CADPS: variants seen among roughly 807,000 people sequenced by gnomAD.
The protein encoded by CADPS is calcium-dependent secretion activator 1.
Under a neutral mutation model 167.3 loss-of-function variants are expected in CADPS, and 57 were observed. The observed-to-expected ratio is 0.34, with a 90% CI of 0.28 to 0.42. The LOEUF (loss-of-function observed/expected upper bound fraction) is 0.42. CADPS is among the 20% of genes least tolerant of loss of function. CADPS has a pLI of 1.00. For synonymous variants in CADPS, 676 were observed against 635.3 expected (o/e 1.06, Z -0.96); for missense variants, 1,414 against 1,738.1 (o/e 0.81, Z 3.32).
At chr3:62,484,081 CAT>C (rs1467935177) in intron 21 of CADPS, among the ~76,000 whole-genome samples, 1 of 152,128 alleles carries the variant, frequency 6.6e-6, no homozygotes, top group Non-Finnish European at 1.5e-5. Context: ...TTAATCAAAA[CAT>C]ATTGTATTTG....
chr3:62,529,483 C>T (rs747585976), intron 13 of CADPS, among the ~76,000 whole-genome samples: 20 of 152,236 alleles, frequency 1.3e-4, no homozygotes, highest in Admixed American at 3.9e-4. Context: ...CGTCAGACCT[C>T]ACCTTCAGGC....
rs555309723 is a variant in CADPS, at chr3:62,666,097, G to A, written c.889-3703C>T. Among the ~76,000 whole-genome samples the A allele has an allele frequency of 2.0e-5, 3 of 152,310 alleles. No individual in the cohort carries two copies. In the East Asian group the frequency reaches 5.8e-4, roughly 29 times the overall value. ...GGGTGTCGGTCTGACAGTCTGTGCA[G>A]CAGAAATGATGTGATCAGAGGCTCC... is the stretch of plus-strand genomic sequence containing the variant. On this transcript the variant is annotated intron_variant, in intron 3 of 29. Coordinates refer to ENST00000383710, the MANE Select transcript of CADPS (RefSeq NM_003716.4).
At chr3:62,451,350 G>T (rs1356260723) in intron 26 of CADPS, among the ~76,000 whole-genome samples, 2 of 152,030 alleles carry the variant, frequency 1.3e-5, no homozygotes, top group African/African-American at 2.4e-5. Flanking sequence ...GTTAATCATT[G>T]TGCAGCTTTG....
At chr3:62,716,625 CT>C (rs1026618448) in intron 3 of CADPS, among the ~76,000 whole-genome samples, 1 of 109,528 alleles carries the variant, frequency 9.1e-6, no homozygotes, top group African/African-American at 3.7e-5. Flanking sequence ...AAAACCAAAC[CT>C]TTAAAAAAAT....
chr3:62,451,372 G>C (rs183442897), intron 26 of CADPS, among the ~76,000 whole-genome samples: 1 of 151,958 alleles, frequency 6.6e-6, no homozygotes, highest in Non-Finnish European at 1.5e-5. Context: ...TAGGGAGCGC[G>C]GCAGGGGCTT....
Position 62,686,044 on chromosome 3 carries a change from T to C in CADPS, c.889-23650A>G, listed in dbSNP as rs375391747. Among the ~76,000 whole-genome samples the C allele has an allele frequency of 3.3e-5, 5 of 152,230 alleles. No homozygotes were observed. The East Asian group carries it at 5.8e-4, about 18-fold the overall frequency. On this transcript the variant is annotated intron_variant, in intron 3 of 29. Transcript: ENST00000383710. ...TGAGATGATGGACATACTAATTACC[T>C]TGATCTGACCACCATACATTGCATA...
intron 27 of CADPS, among the ~76,000 whole-genome samples, chr3:62,443,955 C>T (rs1319308638): frequency 6.6e-6 from 1 of 152,150 alleles, no homozygotes; most frequent in Non-Finnish European, 1.5e-5. Flanking sequence ...TAAATCTGAA[C>T]CTAGCTTGCA....
intron 1 of CADPS, among the ~76,000 whole-genome samples, chr3:62,794,085 C>T (rs906952822): frequency 2.0e-5 from 3 of 152,218 alleles, no homozygotes; most frequent in East Asian, 1.9e-4. Flanking sequence ...TGGAATCCAG[C>T]GATAACTCTA....
intron 1 of CADPS, among the ~76,000 whole-genome samples, chr3:62,844,469 CTT>C (rs1256746000): frequency 6.6e-6 from 1 of 152,182 alleles, no homozygotes; most frequent in African/African-American, 2.4e-5. Context: ...TTCTGCTGTT[CTT>C]TCTTCCTTTC....
intron 28 of CADPS, among the ~76,000 whole-genome samples, chr3:62,405,406 A>G (rs1708073562): frequency 6.6e-6 from 1 of 151,482 alleles, no homozygotes; most frequent in African/African-American, 2.4e-5. Flanking sequence ...GCCTTGTGCA[A>G]CATGCCTTTT....
At chr3:62,567,480 C>A (rs2080439630) in intron 9 of CADPS, among the ~76,000 whole-genome samples, 1 of 150,010 alleles carries the variant, frequency 6.7e-6, no homozygotes, top group Non-Finnish European at 1.5e-5. Flanking sequence ...GCCAGGCATG[C>A]TCCCAAGTGA....
rs573202743 is a variant in CADPS at position 62,702,149 on chromosome 3, A to C, written c.889-39755T>G. ...CCTTTTAAATACTGAAGCCCTCAAA[A>C]TCATCTTTGGAGAAAGTCACAAACC... On this transcript the variant is annotated intron_variant, in intron 3 of 29. Coordinates refer to ENST00000383710, the MANE Select transcript of CADPS (RefSeq NM_003716.4). Among the ~76,000 whole-genome samples the C allele has an allele frequency of 1.4e-4, 22 of 152,230 alleles. 1 individual carries two copies. The highest frequency in any genetic ancestry group is 4.3e-4 in the African/African-American group (18 of 41,518).
intron 2 of CADPS, among the ~76,000 whole-genome samples, chr3:62,758,728 G>C (rs955139300): frequency 6.6e-6 from 1 of 152,176 alleles, no homozygotes; most frequent in African/African-American, 2.4e-5. Flanking sequence ...CTTCCAGACA[G>C]GTCATAATGA....
rs573330125 is a variant in CADPS at position 62,707,038 on chromosome 3, G to A, written c.889-44644C>T. ...CCAAGTAAAGTTATATTCTATTACC[G>A]GAAGTTAGGACTTCAACATATGAAT... On this transcript the variant is annotated intron_variant, in intron 3 of 29. Coordinates refer to ENST00000383710, the MANE Select transcript of CADPS (RefSeq NM_003716.4). 5.3e-5 allele frequency among the ~76,000 whole-genome samples: 8 copies of A among 152,048 alleles called. No homozygotes were observed. The East Asian group carries it at 5.8e-4, about 11-fold the overall frequency.
At chr3:62,651,352 C>T (rs1164923808) in intron 4 of CADPS, among the ~76,000 whole-genome samples, 5 of 152,158 alleles carry the variant, frequency 3.3e-5, no homozygotes, top group Admixed American at 3.3e-4. Context: ...TATTTTTCCC[C>T]AGTTTCCTTC....
intron 3 of CADPS, among the ~76,000 whole-genome samples, chr3:62,695,627 T>A (rs954403394): frequency 1.3e-4 from 20 of 152,158 alleles, no homozygotes; most frequent in African/African-American, 4.1e-4. Context: ...AGTTGTCTTG[T>A]CACTAAAACC....
intron 3 of CADPS, among the ~76,000 whole-genome samples, chr3:62,734,396 C>T (rs574676715): frequency 6.6e-6 from 1 of 152,284 alleles, no homozygotes; most frequent in South Asian, 2.1e-4. Flanking sequence ...ACATTACAGA[C>T]ATAGAACATT....
rs1361852892 is a variant in CADPS, at chr3:62,550,020, G to C, written c.1849C>G (p.Gln617Glu). 6.2e-7 allele frequency: 1 copy of C among 1,614,054 alleles called. No homozygotes were observed. Among genetic ancestry groups the C allele is most frequent in the South Asian group, 1.1e-5 (1 of 91,078 alleles). ...TGCCCCGTGGCCCGATACATGGCCT[G>C]GACCCACAGGATGCGGTCTTGTTCA... ...DDEQDRILWV[Q>E]AMYRATGQSH... Residue 617 changes from glutamine to glutamate, a missense_variant, in exon 11 of 30, where the codon CAG becomes GAG. Around this residue, in one of 6 missense-constraint regions of CADPS, gnomAD observed 529 missense variants for 629.6 expected, o/e 0.84. Coordinates refer to ENST00000383710, the MANE Select transcript of CADPS (RefSeq NM_003716.4).
chr3:62,779,305 T>A, intron 1 of CADPS: 1 of 380,588 alleles, frequency 2.6e-6, no homozygotes, highest in Non-Finnish European at 5.3e-6. Context: ...GGTTGCAGCC[T>A]TCTTTCCCGC....
Sources: allele counts gnomAD v4.1 joint callset (sites outside exome capture counted in the v4.1 genomes callset), GRCh38; gene constraint gnomAD v4.1.1; regional missense constraint gnomAD v4.1.1; transcripts MANE v1.5; gene names NCBI Gene and HGNC (gene_info 2026-07-23, HGNC 2026-07-21).